The following ACAN variants were observed in gnomAD, a reference collection of about 807,000 sequenced individuals.
ACAN encodes aggrecan, also known as aggrecan core protein.
Under a neutral mutation model 169.1 loss-of-function variants are expected in ACAN, and 47 were observed. The ratio of observed to expected loss-of-function variants is 0.28; its 90% CI spans 0.22 to 0.35. The LOEUF (loss-of-function observed/expected upper bound fraction) is 0.35, where lower values mean the gene tolerates loss of function less well. ACAN is among the 10% of genes least tolerant of loss of function. ACAN has a pLI of 1.00. For synonymous variants in ACAN, 1,115 were observed against 1,112.2 expected (o/e 1.00, Z -0.05); for missense variants, 2,716 against 2,759.9 (o/e 0.98, Z 0.36).
At chr15:88,864,678 C>T (rs373386417) in intron 13 of ACAN, among the ~76,000 whole-genome samples, 1 of 152,222 alleles carries the variant, frequency 6.6e-6, no homozygotes, top group Admixed American at 6.5e-5. Flanking sequence ...TGTATCTACT[C>T]AGGTCTGTTC....
At chr15:88,811,697 C>A (rs913806850) in intron 1 of ACAN, among the ~76,000 whole-genome samples, 2 of 152,180 alleles carry the variant, frequency 1.3e-5, no homozygotes, top group Non-Finnish European at 2.9e-5. Context: ...AGGGCCTAAC[C>A]CTCTGTTGTT....
chr15:88,863,307 A>T lies in ACAN; in HGVS notation c.6946+2868A>T, dbSNP rs550606739. The stretch of plus-strand genomic sequence containing the variant: ...GTCTTTCCCCACTTCCATTACTGAC[A>T]TCACCCAAGGGAATTAGGCTTCAGA... On this transcript the variant is annotated intron_variant, in intron 13 of 18. Coordinates refer to ENST00000560601, the MANE Select transcript of ACAN (RefSeq NM_001369268.1). 1.5e-3 allele frequency among the ~76,000 whole-genome samples: 226 copies of T among 152,338 alleles called. 1 individual carries two copies. The highest frequency in any genetic ancestry group is 0.014 in the Middle Eastern group (4 of 294).
Position 88,857,035 on chromosome 15 carries a change from G to A in ACAN, c.4450G>A (p.Val1484Ile), listed in dbSNP as rs762333984. The A allele has an allele frequency of 6.2e-7, 1 of 1,613,584 alleles. No individual in the cohort carries two copies. Among genetic ancestry groups the A allele is most frequent in the South Asian group, 1.1e-5 (1 of 91,082 alleles). Reference sequence around the variant, plus strand: ...AGTTCTAGAGATTTCTGTCTCTGGAGTAGAGGACATCAGTGGGCTTCCTTC... The same window carrying A: ...AGTTCTAGAGATTTCTGTCTCTGGAATAGAGGACATCAGTGGGCTTCCTTC... ...GEVLEISVSG[V>I]EDISGLPSGE... The change falls in exon 12 of 19, where the codon GTA becomes ATA. Residue 1484 changes from valine to isoleucine, a missense_variant. Val to Ile is a conservative substitution (Grantham distance 29). Around this residue, in one of 3 missense-constraint regions of ACAN, gnomAD observed 1,389 missense variants for 1,363.7 expected, o/e 1.02. Coordinates refer to ENST00000560601, the MANE Select transcript of ACAN (RefSeq NM_001369268.1).
intron 1 of ACAN, among the ~76,000 whole-genome samples, chr15:88,835,590 A>C (rs1896482181): frequency 6.6e-6 from 1 of 152,240 alleles, no homozygotes; most frequent in African/African-American, 2.4e-5. Flanking sequence ...TGATTGGAGT[A>C]GTTTCAGTTT....
At position 88,807,372 on chromosome 15, in the gene ACAN, G is replaced by A. The variant is rs2141482567; in HGVS notation, c.-8+3563G>A. On this transcript the variant is annotated intron_variant, in intron 1 of 18. Transcript: ENST00000560601. The surrounding 1 kb of genome is among the most constrained non-coding windows in gnomAD (Gnocchi z 4.0). ...GTCAACGGCCTGGCCTCGTGGCCAT[G>A]CTTCGTGTCCTGATGGTAGCCGCAC... Among the ~76,000 whole-genome samples the A allele has an allele frequency of 6.6e-6, 1 of 152,346 alleles. No homozygotes were observed. The highest frequency in any genetic ancestry group is 1.9e-4 in the East Asian group (1 of 5,186).
chr15:88,836,122 C>A, intron 1 of ACAN, 78 bp from the exon 2 acceptor site: 3 of 1,000,246 alleles, frequency 3.0e-6, no homozygotes, highest in Non-Finnish European at 3.1e-6. Flanking sequence ...TATCACTTTG[C>A]ATCATATGTC....
chr15:88,804,256 G>C (rs1895619318), intron 1 of ACAN, among the ~76,000 whole-genome samples: 1 of 152,224 alleles, frequency 6.6e-6, no homozygotes, highest in Non-Finnish European at 1.5e-5. Context: ...TGTCAGCTGA[G>C]AGGGAAAAGG....
intron 1 of ACAN, among the ~76,000 whole-genome samples, chr15:88,822,927 T>G (rs895200806): frequency 3.3e-5 from 5 of 152,212 alleles, no homozygotes; most frequent in South Asian, 4.1e-4. Context: ...AGTCACCCCT[T>G]GTTTCCCTAC....
At chr15:88,840,273 A>G (rs1417575243) in intron 4 of ACAN, 87 bp downstream of exon 4, 11 of 1,432,432 alleles carry the variant, frequency 7.7e-6, no homozygotes, top group Admixed American at 4.7e-5. Flanking sequence ...GTTGGCCAGC[A>G]CTGAGCTGGT....
Position 88,851,679 on chromosome 15 carries a change from C to A in ACAN, c.2027-115C>A. On this transcript the variant is annotated intron_variant, in intron 10 of 18. Transcript: ENST00000560601. The surrounding 1 kb of genome is among the most constrained non-coding windows in gnomAD (Gnocchi z 4.3). ...AGAAGGCAAACAGCCATCTGCTGAA[C>A]TAGGAGGTGGGGCCTGGCCACCTCA... The A allele has an allele frequency of 7.7e-7, 1 of 1,297,904 alleles. No homozygotes were observed. Among genetic ancestry groups the A allele is most frequent in the Non-Finnish European group, 1.0e-6 (1 of 964,116 alleles). The allele number at this position is 1,297,904 out of a possible 1,614,324, so 80.4% of individuals were successfully genotyped here.
intron 1 of ACAN, among the ~76,000 whole-genome samples, chr15:88,818,669 G>T (rs1195576098): frequency 6.6e-6 from 1 of 152,064 alleles, no homozygotes; most frequent in East Asian, 1.9e-4. Flanking sequence ...TGGTTGTGTT[G>T]GACTCATTGG....
intron 8 of ACAN, 114 bp from the exon 9 acceptor site, chr15:88,847,797 A>G (rs1052863783): frequency 1.0e-5 from 14 of 1,339,562 alleles, no homozygotes; most frequent in African/African-American, 2.9e-5. Flanking sequence ...GAATACCACC[A>G]GACAACTGAA....
At position 88,873,441 on chromosome 15, in the gene ACAN, G is replaced by A. The variant is rs1480372090; in HGVS notation, c.7448-401G>A. Reference sequence around the variant, plus strand: ...GCCTCGATCCTTTGGCTTTCAGTCTGTGGACATTGAGGTGCTGGTAGGATG... The same window carrying A: ...GCCTCGATCCTTTGGCTTTCAGTCTATGGACATTGAGGTGCTGGTAGGATG... On this transcript the variant is annotated intron_variant, in intron 17 of 18. Coordinates refer to ENST00000560601, the MANE Select transcript of ACAN (RefSeq NM_001369268.1). This position sits in a 1 kb window ranked among gnomAD's most constrained non-coding sequence, Gnocchi z 7.5. 2.6e-5 allele frequency among the ~76,000 whole-genome samples: 4 copies of A among 152,174 alleles called. No homozygotes were observed. Among genetic ancestry groups the A allele is most frequent in the African/African-American group, 9.7e-5 (4 of 41,444 alleles).
intron 1 of ACAN, among the ~76,000 whole-genome samples, chr15:88,810,413 T>C (rs1895792047): frequency 1.3e-5 from 2 of 152,064 alleles, no homozygotes; most frequent in South Asian, 4.2e-4. Flanking sequence ...CAGCCTCCCA[T>C]CTCCCTCAGA....
At position 88,807,051 on chromosome 15, in the gene ACAN, C is replaced by G. The variant is rs1033123658; in HGVS notation, c.-8+3242C>G. Among the ~76,000 whole-genome samples, 1 of 149,590 alleles carries G rather than the reference C, an allele frequency of 6.7e-6. No individual in the cohort carries two copies. Among genetic ancestry groups the G allele is most frequent in the Non-Finnish European group, 1.5e-5 (1 of 67,704 alleles). ...ATATTTTTATTTAATTTTTTTTTTA[C>G]TATATTGGTCCCAATGATGTTTCTG... On this transcript the variant is annotated intron_variant, in intron 1 of 18. Coordinates refer to ENST00000560601, the MANE Select transcript of ACAN (RefSeq NM_001369268.1). This position sits in a 1 kb window ranked among gnomAD's most constrained non-coding sequence, Gnocchi z 4.0.
chr15:88,836,510 T>C (rs1896507303), intron 2 of ACAN, among the ~76,000 whole-genome samples: 1 of 152,170 alleles, frequency 6.6e-6, no homozygotes, highest in Non-Finnish European at 1.5e-5. Context: ...CTGACTGCCC[T>C]CAAGCCCCGA....
At chr15:88,836,101 G>A (rs1487408490) in intron 1 of ACAN, 99 bp from the exon 2 acceptor site, 1 of 803,592 alleles carries the variant, frequency 1.2e-6, no homozygotes, top group East Asian at 2.6e-5. Flanking sequence ...CCAGGTCCTT[G>A]GGTGTGGAAT....
rs1051765491 is a variant in ACAN at position 88,836,457 on chromosome 15, G to A, written c.70+181G>A. ...AACTGTGATGGGATAGCACCCATGC[G>A]CGGGCACACTCTTGCAGGAGCCTTG... is the stretch of plus-strand genomic sequence containing the variant. On this transcript the variant is annotated intron_variant, in intron 2 of 18. Transcript: ENST00000560601. Among the ~76,000 whole-genome samples, 10 of 152,172 alleles carry A rather than the reference G, an allele frequency of 6.6e-5. No homozygotes were observed. The Middle Eastern group carries it at 0.01, about 155-fold the overall frequency.
chr15:88,867,104 C>A (rs145071410), intron 13 of ACAN, among the ~76,000 whole-genome samples: 28 of 152,268 alleles, frequency 1.8e-4, no homozygotes, highest in Admixed American at 1.1e-3. Flanking sequence ...ACAGCAGGAA[C>A]CTTTGAAGTA....
Sources: allele counts gnomAD v4.1 joint callset (sites outside exome capture counted in the v4.1 genomes callset), GRCh38; gene constraint gnomAD v4.1.1; regional missense constraint gnomAD v4.1.1; non-coding constraint Gnocchi (gnomAD v3.1); transcripts MANE v1.5; gene names NCBI Gene and HGNC (gene_info 2026-07-23, HGNC 2026-07-21).